The following DLC1 variants were observed in gnomAD, a reference collection of about 807,000 sequenced individuals.
The protein encoded by DLC1 is DLC1 Rho GTPase activating protein, also known as rho GTPase-activating protein 7.
DLC1 carries 54 observed loss-of-function variants against 140.3 expected under a neutral mutation model. That is an observed-to-expected ratio of 0.38 (90% CI 0.31 to 0.48). DLC1 has a LOEUF of 0.48. Among genes scored for constraint, DLC1 ranks in the 20% least tolerant of loss-of-function variants. DLC1 has a pLI of 0.96. For missense variants in DLC1, 2,536 were observed against 1,907.0 expected (o/e 1.33, Z -6.14); for synonymous variants, 986 against 728.1 (o/e 1.35, Z -5.70).
At chr8:13,098,360 C>A (rs1563586800) in intron 10 of DLC1, 39 bp downstream of exon 10, 2 of 1,606,820 alleles carry the variant, frequency 1.2e-6, no homozygotes, top group South Asian at 1.1e-5. Context: ...CCAAAAATAT[C>A]ATTTTCAACG....
At chr8:13,109,752 G>C (rs1267726173) in intron 7 of DLC1, among the ~76,000 whole-genome samples, 1 of 151,850 alleles carries the variant, frequency 6.6e-6, no homozygotes, top group Non-Finnish European at 1.5e-5. Flanking sequence ...GGGCGTGATG[G>C]TGGGCGCCTG....
At chr8:13,478,899 G>T (rs530507329) in intron 2 of DLC1, among the ~76,000 whole-genome samples, 1 of 152,266 alleles carries the variant, frequency 6.6e-6, no homozygotes, top group African/African-American at 2.4e-5. Context: ...ACAAAAACTT[G>T]CCTAAACAAG....
At chr8:13,521,205 A>C (rs1382107557) in intron 1 of DLC1, among the ~76,000 whole-genome samples, 1 of 152,112 alleles carries the variant, frequency 6.6e-6, no homozygotes, top group East Asian at 1.9e-4. Flanking sequence ...GAACAATGAA[A>C]GAACATGGAC....
chr8:13,483,079 T>A (rs934282285), intron 2 of DLC1, among the ~76,000 whole-genome samples: 4 of 152,196 alleles, frequency 2.6e-5, no homozygotes, highest in Admixed American at 1.3e-4. Context: ...GAATCTTTCC[T>A]TCCCTCTTCT....
At position 13,214,871 on chromosome 8, in the gene DLC1, G is replaced by A. The variant is rs1828122396; in HGVS notation, c.1348+90398C>T. 14 of 710,570 alleles carry A rather than the reference G, an allele frequency of 2.0e-5. 1 individual carries two copies. The South Asian group carries it at 2.1e-4, about 11-fold the overall frequency. The allele number at this position is 710,570 out of a possible 1,614,324, so 44.0% of individuals were successfully genotyped here. ...GTGGCAATAGATGGGTCTCATGACA[G>A]GGCTTTTGTAAGCGCCTTGCTCCAT... is the stretch of plus-strand genomic sequence containing the variant. On this transcript the variant is annotated intron_variant, in intron 5 of 17. Coordinates refer to ENST00000276297, the MANE Select transcript of DLC1 (RefSeq NM_182643.3).
intron 5 of DLC1, among the ~76,000 whole-genome samples, chr8:13,145,355 A>G (rs1823340266): frequency 6.6e-6 from 1 of 152,228 alleles, no homozygotes; most frequent in Non-Finnish European, 1.5e-5. Flanking sequence ...CATAGAAAAC[A>G]TACAGTGAAT....
intron 1 of DLC1, among the ~76,000 whole-genome samples, chr8:13,527,814 G>C (rs1012236283): frequency 2.6e-5 from 4 of 152,116 alleles, no homozygotes; most frequent in Non-Finnish European, 5.9e-5. Flanking sequence ...TGAACTAGGG[G>C]AATTTCTTTA....
intron 4 of DLC1, among the ~76,000 whole-genome samples, chr8:13,308,518 C>G (rs997657423): frequency 1.3e-5 from 2 of 152,032 alleles, no homozygotes; most frequent in African/African-American, 4.8e-5. Context: ...CTGAAATTTT[C>G]CAGAGATGAA....
chr8:13,113,201 G>A (rs1820260764), intron 6 of DLC1, among the ~76,000 whole-genome samples: 1 of 152,186 alleles, frequency 6.6e-6, no homozygotes, highest in Non-Finnish European at 1.5e-5. Flanking sequence ...ATGTATAGAA[G>A]ATGTTCTCTG....
rs966632924 is a variant in DLC1, at chr8:13,551,765, T to C, written c.-125-51569A>G. ...CAAACATATGTTTCTATATCAAACA[T>C]ATGTATCTATCAAACATATATGTAT... On this transcript the variant is annotated intron_variant, in intron 1 of 1. Coordinates refer to the DLC1 transcript ENST00000631382. 2.6e-5 allele frequency among the ~76,000 whole-genome samples: 4 copies of C among 151,168 alleles called. No individual in the cohort carries two copies. The South Asian group carries it at 6.3e-4, about 24-fold the overall frequency.
rs1273725177 is a variant in DLC1 at position 13,567,203 on chromosome 8, C to A, written c.-126+37334G>T. The stretch of plus-strand genomic sequence containing the variant: ...AGCTTGGAACAAGGAGACACACAAT[C>A]TGAGCTTTTGGACTATAAAAATTAT... On this transcript the variant is annotated intron_variant, in intron 1 of 1. Transcript: ENST00000631382. 3 of 1,551,626 alleles carry A rather than the reference C, an allele frequency of 1.9e-6. No individual in the cohort carries two copies. In the East Asian group the frequency reaches 7.3e-5, roughly 38 times the overall value.
chr8:13,181,131 T>TC (rs1171901060), intron 5 of DLC1, among the ~76,000 whole-genome samples: 1 of 151,966 alleles, frequency 6.6e-6, no homozygotes, highest in Non-Finnish European at 1.5e-5. Context: ...TCCCATGGTG[T>TC]CCCCCTTGTT....
intron 5 of DLC1, among the ~76,000 whole-genome samples, chr8:13,254,509 C>A (rs898503873): frequency 3.3e-5 from 5 of 152,126 alleles, no homozygotes; most frequent in Non-Finnish European, 5.9e-5. Context: ...TGCATGAATA[C>A]AATTGATGCC....
chr8:13,324,071 G>C (rs1397690451), intron 4 of DLC1, among the ~76,000 whole-genome samples: 1 of 152,200 alleles, frequency 6.6e-6, no homozygotes, highest in Non-Finnish European at 1.5e-5. Flanking sequence ...TTAATACAGT[G>C]TCTGACAAAT....
rs1213029720 is a variant in DLC1 at position 13,090,430 on chromosome 8, T to G, written c.3896A>C (p.Glu1299Ala). 1 of 1,614,002 alleles carries G rather than the reference T, an allele frequency of 6.2e-7. No individual in the cohort carries two copies. The highest frequency in any genetic ancestry group is 1.1e-5 in the South Asian group (1 of 91,082). Residue 1299 changes from glutamate (E) to alanine (A), a missense_variant, in exon 15 of 18, where the codon GAA becomes GCA. Glu to Ala is a moderately radical substitution (Grantham distance 107). Coordinates refer to ENST00000276297, the MANE Select transcript of DLC1 (RefSeq NM_182643.3). ...CAGAGTGAGGGGCTTCAGCTCTTGTTCGGTATAGGAATTACGACATCGGCT... is the reference window on the plus strand; with the variant it reads ...CAGAGTGAGGGGCTTCAGCTCTTGTGCGGTATAGGAATTACGACATCGGCT... ...EMSRCRNSYT[E>A]QELKPLTLEA...
At chr8:13,102,229 C>T (rs1345277342) in intron 8 of DLC1, among the ~76,000 whole-genome samples, 3 of 152,218 alleles carry the variant, frequency 2.0e-5, no homozygotes, top group African/African-American at 7.2e-5. Context: ...AAAGTCTTCA[C>T]AACTCACACG....
At chr8:13,207,357 GT>G (rs1168031899) in intron 5 of DLC1, among the ~76,000 whole-genome samples, 12 of 152,228 alleles carry the variant, frequency 7.9e-5, no homozygotes, top group Admixed American at 7.2e-4. Flanking sequence ...TCATGACTTA[GT>G]AAAAAAGTTG....
chr8:13,096,334 G>C (rs1818497227), intron 10 of DLC1, among the ~76,000 whole-genome samples: 1 of 151,942 alleles, frequency 6.6e-6, no homozygotes, highest in East Asian at 1.9e-4. Flanking sequence ...TAGCCAGCAG[G>C]GAAAATATTA....
Position 13,171,846 on chromosome 8 carries a change from C to T in DLC1, c.1349-56189G>A, listed in dbSNP as rs143334770. Among the ~76,000 whole-genome samples the T allele has an allele frequency of 3.3e-5, 5 of 152,192 alleles. No individual in the cohort carries two copies. In the East Asian group the frequency reaches 9.7e-4, roughly 29 times the overall value. ...GTCAGTGTTTCCAGTGTAGGCAATG[C>T]CCCAGGTGAGGGTCAATTGGAGGGA... On this transcript the variant is annotated intron_variant, in intron 5 of 17. Transcript: ENST00000276297.
Sources: allele counts gnomAD v4.1 joint callset (sites outside exome capture counted in the v4.1 genomes callset), GRCh38; gene constraint gnomAD v4.1.1; transcripts MANE v1.5; gene names NCBI Gene and HGNC (gene_info 2026-07-23, HGNC 2026-07-21).